UBE2V2: variants seen among roughly 807,000 people sequenced by gnomAD.
The protein encoded by UBE2V2 is ubiquitin-conjugating enzyme E2 variant 2.
UBE2V2 carries 9 observed loss-of-function variants against 17.2 expected under a neutral mutation model. That is an observed-to-expected ratio of 0.52 (90% CI 0.32 to 0.91). The LOEUF is 0.91. UBE2V2 is among the 40% of genes least tolerant of loss of function. UBE2V2 has a pLI of 0.04. For missense variants in UBE2V2, 133 were observed against 182.6 expected, an observed-to-expected ratio of 0.73 and a Z score of 1.56; for synonymous variants, 61 against 57.5, an observed-to-expected ratio of 1.06 and a Z score of -0.28.
At chr8:48,017,945 C>T (rs1172053946) in intron 1 of UBE2V2, among the ~76,000 whole-genome samples, 1 of 151,354 alleles carries the variant, frequency 6.6e-6, no homozygotes, top group Non-Finnish European at 1.5e-5. Flanking sequence ...TTCCCAGGCT[C>T]TCACCTCAGC....
At chr8:48,021,199 T>C (rs1433338156) in intron 1 of UBE2V2, among the ~76,000 whole-genome samples, 1 of 151,382 alleles carries the variant, frequency 6.6e-6, no homozygotes, top group South Asian at 2.1e-4. Flanking sequence ...TGTCTCAGCC[T>C]CCTTAGTAGT....
upstream of UBE2V2, among the ~76,000 whole-genome samples, chr8:48,007,371 A>T (rs1455724423): frequency 6.6e-6 from 1 of 152,172 alleles, no homozygotes; most frequent in Non-Finnish European, 1.5e-5. Flanking sequence ...CCATAGTCTC[A>T]GCCCCAAATC....
intron 1 of UBE2V2, among the ~76,000 whole-genome samples, chr8:48,023,733 A>G (rs2091320863): frequency 6.6e-6 from 1 of 151,926 alleles, no homozygotes; most frequent in Admixed American, 6.6e-5. Context: ...AAAATTAGCC[A>G]GGCATGATGG....
intron 1 of UBE2V2, among the ~76,000 whole-genome samples, chr8:48,036,696 A>T (rs1238149093): frequency 1.3e-5 from 2 of 151,464 alleles, no homozygotes; most frequent in Non-Finnish European, 2.9e-5. Context: ...TGGCCTCCCA[A>T]AGTGCTGGGA....
At chr8:48,046,439 G>C (rs975457095) in intron 2 of UBE2V2, among the ~76,000 whole-genome samples, 2 of 152,084 alleles carry the variant, frequency 1.3e-5, no homozygotes, top group Non-Finnish European at 2.9e-5. Flanking sequence ...TTTTAGTGGG[G>C]ACAGGGTTTC....
intron 1 of UBE2V2, among the ~76,000 whole-genome samples, chr8:48,011,789 G>A (rs961565367): frequency 1.3e-5 from 2 of 152,120 alleles, no homozygotes; most frequent in Non-Finnish European, 2.9e-5. Context: ...GAGTAGCTGC[G>A]AACACAGGCA....
At chr8:48,008,754 C>G (rs902528320) in intron 1 of UBE2V2, among the ~76,000 whole-genome samples, 5 of 151,362 alleles carry the variant, frequency 3.3e-5, no homozygotes, top group Admixed American at 3.3e-4. Flanking sequence ...GGCGCGGGTC[C>G]GAGTTGTAGG....
intron 3 of UBE2V2, among the ~76,000 whole-genome samples, chr8:48,053,263 T>C (rs1322691434): frequency 6.6e-6 from 1 of 152,214 alleles, no homozygotes; most frequent in Non-Finnish European, 1.5e-5. Context: ...GTCACTCTTA[T>C]TCTTTTGTTG....
intron 2 of UBE2V2, 79 bp from the exon 3 acceptor site, chr8:48,049,774 C>CT: frequency 4.0e-6 from 5 of 1,263,302 alleles, no homozygotes; most frequent in South Asian, 1.4e-5. Flanking sequence ...TTGTACTTTC[C>CT]CTTTTTTTTT....
intron 3 of UBE2V2, 49 bp from the exon 4 acceptor site, chr8:48,060,633 A>G (rs1227414998): frequency 1.4e-5 from 19 of 1,362,458 alleles, no homozygotes; most frequent in Non-Finnish European, 1.8e-5. Flanking sequence ...AATTGGTGCC[A>G]TAGTACTTTA....
intron 1 of UBE2V2, among the ~76,000 whole-genome samples, chr8:48,034,335 C>T (rs946517452): frequency 6.6e-6 from 1 of 152,094 alleles, no homozygotes; most frequent in African/African-American, 2.4e-5. Flanking sequence ...CTATGTTGGC[C>T]AGGCTGGTCT....
Position 48,052,034 on chromosome 8 carries a change from C to G in UBE2V2, c.291+2056C>G, listed in dbSNP as rs140582078. ...CTGACATGTTCAGGTTTAAACAGAT[C>G]ATCTTATTTGGTGGTTTCTATTTTT... is the stretch of plus-strand genomic sequence containing the variant. On this transcript the variant is annotated intron_variant, in intron 3 of 3. Transcript: ENST00000523111. 1.1e-3 allele frequency among the ~76,000 whole-genome samples: 172 copies of G among 152,302 alleles called. 1 individual carries two copies. In the East Asian group the frequency reaches 0.023, roughly 20 times the overall value.
intron 1 of UBE2V2, among the ~76,000 whole-genome samples, chr8:48,021,991 G>A (rs1483475784): frequency 1.3e-5 from 2 of 151,524 alleles, no homozygotes; most frequent in Non-Finnish European, 2.9e-5. Flanking sequence ...ATAGGTTTTT[G>A]CTTTGTGGTT....
Position 48,033,385 on chromosome 8 carries a change from C to T in UBE2V2, c.17-9648C>T, listed in dbSNP as rs185976782. 2.4e-4 allele frequency among the ~76,000 whole-genome samples: 36 copies of T among 151,966 alleles called. No homozygotes were observed. The East Asian group carries it at 7.0e-3, about 30-fold the overall frequency. ...ATTTTTAGTAGAGATGGGGTTTCAC[C>T]GTGTTGGCCAGGCTGGTCTCGAACT... On this transcript the variant is annotated intron_variant, in intron 1 of 3. Transcript: ENST00000523111.
intron 1 of UBE2V2, among the ~76,000 whole-genome samples, chr8:48,014,878 G>A (rs946928149): frequency 2.0e-5 from 3 of 149,944 alleles, no homozygotes; most frequent in Non-Finnish European, 3.0e-5. Context: ...GTGAAACCCC[G>A]TCTCTACCAA....
intron 1 of UBE2V2, among the ~76,000 whole-genome samples, chr8:48,017,660 A>C (rs1589850831): frequency 6.6e-6 from 1 of 152,072 alleles, no homozygotes; most frequent in Non-Finnish European, 1.5e-5. Context: ...GGCGAGAGCC[A>C]CCGCGCCTGC....
intron 1 of UBE2V2, among the ~76,000 whole-genome samples, chr8:48,009,813 A>G (rs1010923771): frequency 2.6e-5 from 4 of 152,134 alleles, no homozygotes; most frequent in African/African-American, 9.7e-5. Flanking sequence ...GATCTTTAGC[A>G]GTTCTAGTGT....
At chr8:48,046,661 C>T (rs1050441930) in intron 2 of UBE2V2, among the ~76,000 whole-genome samples, 12 of 151,840 alleles carry the variant, frequency 7.9e-5, no homozygotes, top group Non-Finnish European at 1.5e-4. Flanking sequence ...GTGTAGTGGC[C>T]CGATCACACC....
chr8:48,002,383 T>C, the UBE2V2 span, among the ~76,000 whole-genome samples: 1 of 152,236 alleles, frequency 6.6e-6, no homozygotes, highest in Non-Finnish European at 1.5e-5. Context: ...TTTGTTACAA[T>C]GTGGGTGAAC....
Sources: allele counts gnomAD v4.1 joint callset (sites outside exome capture counted in the v4.1 genomes callset), GRCh38; gene constraint gnomAD v4.1.1; transcripts MANE v1.5; gene names NCBI Gene and HGNC (gene_info 2026-07-23, HGNC 2026-07-21).